Variants in GSPT1 observed in about 807,000 individuals in gnomAD.
GSPT1 encodes eukaryotic peptide chain release factor GTP-binding subunit ERF3A.
GSPT1 carries 20 observed loss-of-function variants against 72.5 expected under a neutral mutation model. The observed-to-expected ratio is 0.28, with a 90% confidence interval of 0.19 to 0.40. The LOEUF (loss-of-function observed/expected upper bound fraction) is 0.40, where lower values mean the gene tolerates loss of function less well. Ranked by LOEUF, GSPT1 falls within the 10% of genes least tolerant of loss-of-function variation. The pLI is 1.00. For synonymous variants in GSPT1, 334 were observed against 293.5 expected (o/e 1.14, Z -1.41); for missense variants, 580 against 811.9 (o/e 0.71, Z 3.47).
At position 11,877,642 on chromosome 16, in the gene GSPT1, T is replaced by A; in HGVS notation, c.1429-62A>T. The A allele has an allele frequency of 1.0e-6, 1 of 956,526 alleles. No individual in the cohort carries two copies. Among genetic ancestry groups the A allele is most frequent in the Non-Finnish European group, 1.5e-6 (1 of 654,792 alleles). 59.3% of individuals were successfully genotyped at this position (956,526 alleles called of 1,614,324 possible). On this transcript the variant is annotated intron_variant, in intron 11 of 14. Transcript: ENST00000434724. The surrounding 1 kb of genome is among the most constrained non-coding windows in gnomAD (Gnocchi z 4.0). ...ATTCACTGCATTACGCAACATAAAA[T>A]GATCTGAATGTCTGTCTGCTCAATA...
At chr16:11,890,823 G>A (rs1417182500) in intron 6 of GSPT1, 1 of 294,106 alleles carries the variant, frequency 3.4e-6, no homozygotes, top group East Asian at 6.5e-5. Flanking sequence ...TTAAATGGAT[G>A]GTTTATAGTA....
chr16:11,915,063 C>T (rs1225526151), intron 1 of GSPT1: 1 of 1,291,814 alleles, frequency 7.7e-7, no homozygotes, highest in Admixed American at 2.3e-5. Flanking sequence ...CCACTCCGTT[C>T]CATACGGTTC....
At position 11,870,319 on chromosome 16, in the gene GSPT1, CTTAGA is replaced by C. The variant is rs1383646762; in HGVS notation, c.*2795_*2799del. 1.3e-5 allele frequency: 2 copies of C among 152,094 alleles called. No individual in the cohort carries two copies. The highest frequency in any genetic ancestry group is 2.9e-5 in the Non-Finnish European group (2 of 68,030). The allele number at this position is 152,094 out of a possible 1,614,324, so 9.4% of individuals were successfully genotyped here. A position where few individuals can be genotyped will look rare whatever the true frequency, so the allele number is the denominator to read the frequency against. On this transcript the variant is annotated 3_prime_UTR_variant, in exon 15 of 15. Transcript: ENST00000434724. ...AAACAAGGGTTTAAAATGGCAATTA[CTTAGA>C]TGTTTATTTCAATATTTCTTAAATT...
rs559644812 is a variant in GSPT1 at position 11,872,052 on chromosome 16, G to T, written c.*1067C>A. ...AATATTTTCATTTAGTTGCTAGGTTGAGATTTAGCTTTAACCAGCAAGGAT... is the reference window on the plus strand; with the variant it reads ...AATATTTTCATTTAGTTGCTAGGTTTAGATTTAGCTTTAACCAGCAAGGAT... On this transcript the variant is annotated 3_prime_UTR_variant, in exon 15 of 15. Coordinates refer to ENST00000434724, the MANE Select transcript of GSPT1 (RefSeq NM_002094.4). 6.6e-6 allele frequency: 1 copy of T among 152,288 alleles called. No individual in the cohort carries two copies. The highest frequency in any genetic ancestry group is 6.5e-5 in the Admixed American group (1 of 15,294). The allele number at this position is 152,288 out of a possible 1,614,324, so 9.4% of individuals were successfully genotyped here. A position where few individuals can be genotyped will look rare whatever the true frequency, so the allele number is the denominator to read the frequency against.
At chr16:11,876,896 G>A (rs1268777891) in intron 12 of GSPT1, among the ~76,000 whole-genome samples, 1 of 152,198 alleles carries the variant, frequency 6.6e-6, no homozygotes, top group Non-Finnish European at 1.5e-5. Flanking sequence ...GTCCAGTAAA[G>A]TAAACAACCT....
intron 7 of GSPT1, 31 bp downstream of exon 7, chr16:11,887,539 T>C (rs2054199845): frequency 1.3e-6 from 2 of 1,580,918 alleles, no homozygotes; most frequent in South Asian, 1.1e-5. Flanking sequence ...TACTAACAAA[T>C]ATACAGATGG....
chr16:11,916,259 C>T (rs1008572004), upstream of GSPT1, among the ~76,000 whole-genome samples: 3 of 152,168 alleles, frequency 2.0e-5, no homozygotes, highest in Admixed American at 1.3e-4. Context: ...CGCTCGGCGG[C>T]CCCACCTGTC....
intron 1 of GSPT1, among the ~76,000 whole-genome samples, chr16:11,901,702 G>C (rs1391347117): frequency 6.6e-6 from 1 of 151,722 alleles, no homozygotes; most frequent in Non-Finnish European, 1.5e-5. Context: ...TGAGGCAGGA[G>C]AATCGCTTGA....
At chr16:11,891,404 C>T (rs2054259384) in intron 5 of GSPT1, among the ~76,000 whole-genome samples, 1 of 148,146 alleles carries the variant, frequency 6.8e-6, no homozygotes, top group Non-Finnish European at 1.5e-5. Context: ...CTCTTGTCAT[C>T]CACCTGGAGT....
intron 11 of GSPT1, among the ~76,000 whole-genome samples, chr16:11,880,664 G>A (rs1466060218): frequency 6.6e-6 from 1 of 152,178 alleles, no homozygotes; most frequent in East Asian, 1.9e-4. Flanking sequence ...ATAGTTAGCA[G>A]TGCTAGGCAT....
rs1237785949 is a variant in GSPT1 at position 11,871,433 on chromosome 16, T to C, written c.*1686A>G. The C allele has an allele frequency of 6.6e-6, 1 of 152,016 alleles. No individual in the cohort carries two copies. The allele number at this position is 152,016 out of a possible 1,614,324, so 9.4% of individuals were successfully genotyped here. On this transcript the variant is annotated 3_prime_UTR_variant, in exon 15 of 15. Coordinates refer to ENST00000434724, the MANE Select transcript of GSPT1 (RefSeq NM_002094.4). ...AGATACAAAAATTAACTGGGCCTCG[T>C]GGAGGGCTCCTGTAATCCCAGCTAC...
intron 1 of GSPT1, among the ~76,000 whole-genome samples, chr16:11,898,900 A>G (rs2054372857): frequency 6.6e-6 from 1 of 152,226 alleles, no homozygotes. Flanking sequence ...CAATGATGCC[A>G]GTTTTTTCCT....
intron 5 of GSPT1, among the ~76,000 whole-genome samples, chr16:11,893,260 C>T (rs1030994793): frequency 5.9e-5 from 9 of 151,870 alleles, no homozygotes; most frequent in African/African-American, 9.7e-5. Flanking sequence ...GGCAACACAG[C>T]GAGACCCTGT....
chr16:11,914,651 T>C (rs111410743), intron 1 of GSPT1, among the ~76,000 whole-genome samples: 9 of 152,214 alleles, frequency 5.9e-5, no homozygotes, highest in African/African-American at 2.2e-4. Flanking sequence ...AGGATAAAAG[T>C]GTAAGCTTCA....
rs567997184 is a variant in GSPT1, at chr16:11,891,435, C to G, written c.699-296G>C. ...GGAGTGCAATGGCACAATCTCGGCT[C>G]ACTGCAACCTCTGCCTCCTGGGTTC... On this transcript the variant is annotated intron_variant, in intron 5 of 14. Transcript: ENST00000434724. Among the ~76,000 whole-genome samples, 8 of 150,742 alleles carry G rather than the reference C, an allele frequency of 5.3e-5. No homozygotes were observed. In the South Asian group the frequency reaches 1.7e-3, roughly 31 times the overall value.
At chr16:11,916,025 C>T (rs375090883), upstream of GSPT1, 109 of 652,370 alleles carry the variant, frequency 1.7e-4, no homozygotes, top group African/African-American at 1.7e-3. Context: ...GGATTGACCC[C>T]TCGCCGCCAC....
chr16:11,895,693 C>G (rs1276178953), intron 4 of GSPT1: 1 of 152,154 alleles, frequency 6.6e-6, no homozygotes, highest in Non-Finnish European at 1.5e-5. Flanking sequence ...GTGGTGCGAT[C>G]TCACCTCACT....
At chr16:11,894,681 C>T (rs2054312535) in intron 5 of GSPT1, among the ~76,000 whole-genome samples, 1 of 152,178 alleles carries the variant, frequency 6.6e-6, no homozygotes, top group Admixed American at 6.5e-5. Context: ...GACAGAGTCT[C>T]ATTGTCTTGC....
chr16:11,907,112 G>T (rs186460091), intron 1 of GSPT1, among the ~76,000 whole-genome samples: 3 of 152,314 alleles, frequency 2.0e-5, no homozygotes, highest in African/African-American at 7.2e-5. Context: ...AATGTAAAAA[G>T]AAGTAATTTC....
Sources: allele counts gnomAD v4.1 joint callset (sites outside exome capture counted in the v4.1 genomes callset), GRCh38; gene constraint gnomAD v4.1.1; non-coding constraint Gnocchi (gnomAD v3.1); transcripts MANE v1.5; gene names NCBI Gene and HGNC (gene_info 2026-07-23, HGNC 2026-07-21).